ARHGAP44: variants seen among roughly 807,000 people sequenced by gnomAD.
The protein encoded by ARHGAP44 is Rho GTPase activating protein 44.
A neutral mutation model predicts 106.8 loss-of-function variants in ARHGAP44; 43 were observed. The ratio of observed to expected loss-of-function variants is 0.40; its 90% CI spans 0.32 to 0.52. ARHGAP44 has a LOEUF of 0.52. Ranked by LOEUF, ARHGAP44 falls within the 20% of genes least tolerant of loss-of-function variation. ARHGAP44 has a pLI of 0.48. For synonymous variants in ARHGAP44, 439 were observed against 410.3 expected (o/e 1.07, Z -0.85); for missense variants, 866 against 1,050.5 (o/e 0.82, Z 2.43).
chr17:12,940,390 C>T (rs1444901462), intron 7 of ARHGAP44, among the ~76,000 whole-genome samples: 1 of 152,182 alleles, frequency 6.6e-6, no homozygotes, highest in African/African-American at 2.4e-5. Context: ...AGCTGTTCTC[C>T]TTGGAGGACA....
chr17:12,796,381 T>C (rs1392967896), intron 1 of ARHGAP44, among the ~76,000 whole-genome samples: 1 of 152,200 alleles, frequency 6.6e-6, no homozygotes, highest in East Asian at 1.9e-4. Context: ...TAGGATGAAG[T>C]CTTAGAAATG....
At chr17:12,829,681 T>C (rs187682143) in intron 1 of ARHGAP44, among the ~76,000 whole-genome samples, 35 of 152,284 alleles carry the variant, frequency 2.3e-4, no homozygotes, top group Middle Eastern at 3.4e-3. Context: ...TAAGGCTTTT[T>C]CACTACTCTT....
chr17:12,832,242 G>A (rs1180336213), intron 1 of ARHGAP44, among the ~76,000 whole-genome samples: 2 of 152,162 alleles, frequency 1.3e-5, no homozygotes, highest in African/African-American at 2.4e-5. Context: ...GGAGTCAGGA[G>A]TGTTGATTGG....
chr17:12,841,639 C>CACAAAAAAAAAA (rs1555546108), intron 1 of ARHGAP44, among the ~76,000 whole-genome samples: 112 of 137,388 alleles, frequency 8.2e-4, no homozygotes, highest in African/African-American at 2.9e-3. Context: ...CACACACACA[C>CACAAAAAAAAAA]AAACAAACAA....
Position 12,946,478 on chromosome 17 carries a change from T to TAAA in ARHGAP44, c.861+2295_861+2297dup, listed in dbSNP as rs71144938. The stretch of plus-strand genomic sequence containing the variant: ...CTGGGCAACATAGTGAGATGCTCTC[T>TAAA]AAAAAAAAAAAAAAAGAAATTAGTT... On this transcript the variant is annotated intron_variant, in intron 10 of 20. Transcript: ENST00000379672. Among the ~76,000 whole-genome samples the TAAA allele has an allele frequency of 2.8e-3, 375 of 134,612 alleles. 9 individuals are homozygous for TAAA. The East Asian group carries it at 0.055, about 20-fold the overall frequency. 88.3% of individuals were successfully genotyped at this position (134,612 alleles called of 152,430 possible). A position where few individuals can be genotyped will look rare whatever the true frequency, so the allele number is the denominator to read the frequency against.
At chr17:12,953,201 A>G (rs141504402) in intron 13 of ARHGAP44, among the ~76,000 whole-genome samples, 2,070 of 152,196 alleles carry the variant, frequency 0.014, 28 homozygotes, top group Middle Eastern at 0.031. Flanking sequence ...CCCATTCCCG[A>G]GCCCTAGCTG....
At chr17:12,915,276 A>G (rs2037873762) in intron 4 of ARHGAP44, among the ~76,000 whole-genome samples, 1 of 152,094 alleles carries the variant, frequency 6.6e-6, no homozygotes, top group Non-Finnish European at 1.5e-5. Context: ...TTTTTACTTG[A>G]GTTTTAGTTA....
At chr17:12,970,401 AAGAG>A (rs1464888075) in intron 16 of ARHGAP44, among the ~76,000 whole-genome samples, 3 of 148,870 alleles carry the variant, frequency 2.0e-5, no homozygotes, top group African/African-American at 7.4e-5. Flanking sequence ...AAAAGAAGAG[AAGAG>A]AAAAGAAAAA....
intron 1 of ARHGAP44, among the ~76,000 whole-genome samples, chr17:12,806,731 T>C (rs2034285251): frequency 6.6e-6 from 1 of 152,238 alleles, no homozygotes; most frequent in South Asian, 2.1e-4. Flanking sequence ...CAGCCTCAAT[T>C]TTCTTATCTG....
chr17:12,915,750 G>T (rs2037890935), intron 4 of ARHGAP44, 150 bp from the exon 5 acceptor site: 2 of 630,890 alleles, frequency 3.2e-6, no homozygotes, highest in Non-Finnish European at 5.6e-6. Flanking sequence ...AGCTGGAACA[G>T]GTTGGCCCAG....
chr17:12,854,655 T>G (rs1435575754), intron 1 of ARHGAP44, among the ~76,000 whole-genome samples: 2 of 152,132 alleles, frequency 1.3e-5, no homozygotes, highest in African/African-American at 4.8e-5. Flanking sequence ...GAACCCGTTA[T>G]GCCAAAAAGA....
intron 1 of ARHGAP44, among the ~76,000 whole-genome samples, chr17:12,816,938 C>T (rs770495480): frequency 1.3e-4 from 20 of 152,142 alleles, no homozygotes; most frequent in Non-Finnish European, 2.5e-4. Flanking sequence ...GAATACTTCA[C>T]TCAACAATAA....
At chr17:12,856,525 G>T (rs531306843) in intron 1 of ARHGAP44, among the ~76,000 whole-genome samples, 20 of 152,322 alleles carry the variant, frequency 1.3e-4, no homozygotes, top group Middle Eastern at 3.4e-3. Context: ...AATAAGGGAA[G>T]TTTATTTTTG....
chr17:12,801,466 G>A (rs1043012949), intron 1 of ARHGAP44, among the ~76,000 whole-genome samples: 1 of 152,208 alleles, frequency 6.6e-6, no homozygotes, highest in Non-Finnish European at 1.5e-5. Context: ...GAGGGAAGTG[G>A]TTTGAGATTT....
Position 12,896,370 on chromosome 17 carries a change from C to T in ARHGAP44, c.94-37C>T, listed in dbSNP as rs202156982. The T allele has an allele frequency of 1.5e-3, 2,315 of 1,546,600 alleles. 2 individuals carry two copies. The highest frequency in any genetic ancestry group is 1.9e-3 in the Non-Finnish European group (2,163 of 1,140,310). On this transcript the variant is annotated intron_variant, in intron 2 of 20. Transcript: ENST00000379672. ...ACAATCCCTCCTCCCCTGACCTTGC[C>T]CTCTCTCAGTGGCACCACCCGCTCT...
At chr17:12,960,568 A>AAAAAAAAAAAC (rs2039237299) in intron 16 of ARHGAP44, among the ~76,000 whole-genome samples, 2 of 151,192 alleles carry the variant, frequency 1.3e-5, no homozygotes, top group African/African-American at 4.9e-5. Context: ...TCCATCTCAA[A>AAAAAAAAAAAC]GAAAAAAAAA....
At chr17:12,977,650 C>T (rs888611381) in intron 18 of ARHGAP44, among the ~76,000 whole-genome samples, 3 of 152,140 alleles carry the variant, frequency 2.0e-5, no homozygotes, top group Admixed American at 6.6e-5. Context: ...CCCTAGTAGC[C>T]GCCCTACGCC....
intron 1 of ARHGAP44, among the ~76,000 whole-genome samples, chr17:12,803,097 C>T (rs1378902755): frequency 1.3e-4 from 20 of 149,628 alleles, no homozygotes; most frequent in East Asian, 9.9e-4. Flanking sequence ...CTCAGCCTCC[C>T]GAGTAGCTGG....
At chr17:12,931,010 A>G (rs370594359) in intron 7 of ARHGAP44, among the ~76,000 whole-genome samples, 8 of 152,306 alleles carry the variant, frequency 5.3e-5, no homozygotes, top group African/African-American at 1.9e-4. Flanking sequence ...ACTTTTCTTC[A>G]TAATCATACA....
Sources: allele counts gnomAD v4.1 joint callset (sites outside exome capture counted in the v4.1 genomes callset), GRCh38; gene constraint gnomAD v4.1.1; transcripts MANE v1.5; gene names NCBI Gene and HGNC (gene_info 2026-07-23, HGNC 2026-07-21).